CCNG1: variants seen among roughly 807,000 people sequenced by gnomAD.
The protein encoded by CCNG1 is cyclin-G1.
In CCNG1, 13 loss-of-function variants were observed where a neutral mutation model predicts 30.0. The ratio of observed to expected loss-of-function variants is 0.43; its 90% CI spans 0.28 to 0.69. The LOEUF is 0.69. Among genes scored for constraint, CCNG1 ranks in the 30% least tolerant of loss-of-function variants. CCNG1 has a pLI of 0.16. For synonymous variants in CCNG1, 110 were observed against 121.5 expected, an observed-to-expected ratio of 0.91 and a Z score of 0.62; for missense variants, 285 against 331.4, an observed-to-expected ratio of 0.86 and a Z score of 1.09.
the CCNG1 span, chr5:163,452,578 A>T: frequency 6.6e-6 from 1 of 152,250 alleles, no homozygotes; most frequent in South Asian, 2.1e-4. Flanking sequence ...ATCAGAAACA[A>T]GGTAGTATTT....
chr5:163,439,642 T>C (rs1757707026), intron 2 of CCNG1, 122 bp downstream of exon 2: 1 of 729,172 alleles, frequency 1.4e-6, no homozygotes, highest in African/African-American at 1.8e-5. Flanking sequence ...AAAACATTAA[T>C]TTTGTCTACT....
rs1006571717 is a variant in CCNG1 at position 163,441,061 on chromosome 5, T to C, written c.265-17T>C. The stretch of plus-strand genomic sequence containing the variant: ...GGTAGAGTCATGGGCTTACTGGTTT[T>C]GTTTTTGATTTTTTAGGTACAGCCC... On this transcript the variant is annotated splice_polypyrimidine_tract_variant and intron_variant, in intron 2 of 6. Coordinates refer to ENST00000340828, the MANE Select transcript of CCNG1 (RefSeq NM_004060.4). 7.5e-6 allele frequency: 12 copies of C among 1,602,720 alleles called. No individual in the cohort carries two copies. The African/African-American group carries it at 1.3e-4, about 18-fold the overall frequency.
At chr5:163,455,623 G>A in the CCNG1 span, among the ~76,000 whole-genome samples, 12,910 of 152,048 alleles carry the variant, frequency 0.085, 710 homozygotes, top group African/African-American at 0.17. Flanking sequence ...AATTAGCCGT[G>A]CGTGGTGGCG....
the CCNG1 span, chr5:163,456,873 A>C: frequency 6.0e-5 from 69 of 1,148,370 alleles, no homozygotes; most frequent in South Asian, 1.5e-3. Context: ...TCAAATATTT[A>C]TTTGATGATT....
At position 163,439,429 on chromosome 5, in the gene CCNG1, ATCT is replaced by A. The variant is rs750483468; in HGVS notation, c.178_180del (p.Leu60del). ...AGACTAAGGGACTTTGAAGTAAAAGATCTTCTTAGTCTAACTCAGTTCTTTGGC... is the reference window on the plus strand; with the variant it reads ...AGACTAAGGGACTTTGAAGTAAAAGATCTTAGTCTAACTCAGTTCTTTGGC... On this transcript the variant is annotated inframe_deletion, in exon 2 of 7. Transcript: ENST00000340828. The A allele has an allele frequency of 1.2e-4, 186 of 1,613,936 alleles. No individual in the cohort carries two copies. Among genetic ancestry groups the A allele is most frequent in the Non-Finnish European group, 1.4e-4 (170 of 1,179,942 alleles).
At chr5:163,456,830 G>T in the CCNG1 span, 1 of 933,908 alleles carries the variant, frequency 1.1e-6, no homozygotes, top group Non-Finnish European at 1.5e-6. Context: ...GAAAATGTTT[G>T]TAACTTTTCA....
Position 163,442,029 on chromosome 5 carries a change from A to G in CCNG1, c.598-16A>G. On this transcript the variant is annotated splice_polypyrimidine_tract_variant and intron_variant, in intron 4 of 6. Coordinates refer to ENST00000340828, the MANE Select transcript of CCNG1 (RefSeq NM_004060.4). ...GTTTTTATATTTGGCATTTACTTTA[A>G]ATTTATCTCTTTTAGCCTTCTGTGT... The G allele has an allele frequency of 6.2e-7, 1 of 1,603,082 alleles. No individual in the cohort carries two copies. Among genetic ancestry groups the G allele is most frequent in the Non-Finnish European group, 8.5e-7 (1 of 1,171,088 alleles).
the CCNG1 span, chr5:163,453,912 T>C: frequency 1.1e-6 from 1 of 930,034 alleles, no homozygotes; most frequent in Non-Finnish European, 1.6e-6. Flanking sequence ...AATCTGTTTA[T>C]CTGATTAAGT....
intron 3 of CCNG1, 194 bp downstream of exon 3, chr5:163,441,525 G>T: frequency 1.8e-6 from 1 of 558,218 alleles, no homozygotes; most frequent in Non-Finnish European, 3.0e-6. Context: ...GCTAATTCTT[G>T]GGATTAAAGT....
At chr5:163,446,876 G>A (rs1340508336), downstream of CCNG1, 1 of 152,188 alleles carries the variant, frequency 6.6e-6, no homozygotes, top group East Asian at 1.9e-4. Context: ...TCAGCTGGGT[G>A]TGGTGGCGCA....
At chr5:163,447,785 C>G (rs1230029425), downstream of CCNG1, 3 of 152,014 alleles carry the variant, frequency 2.0e-5, no homozygotes, top group Non-Finnish European at 2.9e-5. Context: ...AAATCAGTAA[C>G]AGCAAGAAAA....
intron 3 of CCNG1, 152 bp downstream of exon 3, chr5:163,441,483 G>GA (rs1360359326): frequency 1.4e-6 from 1 of 707,506 alleles, no homozygotes; most frequent in African/African-American, 1.8e-5. Flanking sequence ...TCATAAGTGA[G>GA]AAAATGTTCC....
In CCNG1 at chr5:163,442,534, A is replaced by G. The variant is rs1000831672; in HGVS notation, c.857A>G (p.His286Arg). The G allele has an allele frequency of 1.2e-5, 20 of 1,610,092 alleles. No individual in the cohort carries two copies. Among genetic ancestry groups the G allele is most frequent in the Non-Finnish European group, 1.7e-5 (20 of 1,178,316 alleles). The change falls in exon 6 of 7, where the codon CAC (histidine) becomes CGC (arginine). Residue 286 changes from histidine to arginine, a missense_variant. Physicochemically the swap from His to Arg is conservative, Grantham distance 29. Transcript: ENST00000340828. ...AAGCATAGCTACTACAGAATAACTC[A>G]CCTTCCAACAATTCCTGAAATGGTC... ...QLKHSYYRIT[H>R]LPTIPEMVP
At position 163,441,911 on chromosome 5, in the gene CCNG1, C is replaced by A; in HGVS notation, c.544C>A (p.Leu182Ile). 6.2e-7 allele frequency: 1 copy of A among 1,607,792 alleles called. No individual in the cohort carries two copies. The highest frequency in any genetic ancestry group is 8.5e-7 in the Non-Finnish European group (1 of 1,174,696). Reference sequence around the variant, plus strand: ...GAGAAATAGCATTAATTTTGAAAGACTAGAAGCTCAACTGAAGGCATGTCA... The same window carrying A: ...GAGAAATAGCATTAATTTTGAAAGAATAGAAGCTCAACTGAAGGCATGTCA... ...ERRNSINFER[L>I]EAQLKACHCR... The change falls in exon 4 of 7, where the codon CTA (leucine) becomes ATA (isoleucine). Residue 182 changes from leucine (L) to isoleucine (I), a missense_variant. Coordinates refer to ENST00000340828, the MANE Select transcript of CCNG1 (RefSeq NM_004060.4).
the CCNG1 span, chr5:163,457,501 AGAG>A: frequency 1.0e-6 from 1 of 986,436 alleles, no homozygotes; most frequent in Non-Finnish European, 1.6e-6. Context: ...CTAATACAAA[AGAG>A]GAAAAGATAT....
At chr5:163,447,747 T>C (rs1224187983), downstream of CCNG1, 2 of 152,140 alleles carry the variant, frequency 1.3e-5, no homozygotes, top group East Asian at 1.9e-4. Context: ...TGAAATCATA[T>C]AAAATATGTT....
the CCNG1 span, among the ~76,000 whole-genome samples, chr5:163,454,783 C>T: frequency 6.6e-6 from 1 of 152,022 alleles, no homozygotes; most frequent in Non-Finnish European, 1.5e-5. Context: ...TTCGTTTATC[C>T]AACAAACATT....
the CCNG1 span, chr5:163,457,606 T>G: frequency 4.4e-6 from 7 of 1,583,244 alleles, no homozygotes; most frequent in Middle Eastern, 5.0e-4. Context: ...ATCAAAGAGT[T>G]TGCCCTGAAA....
chr5:163,440,013 G>C (rs911389154), intron 2 of CCNG1, among the ~76,000 whole-genome samples: 4 of 151,530 alleles, frequency 2.6e-5, no homozygotes, highest in African/African-American at 9.7e-5. Flanking sequence ...GGAGGAGAGT[G>C]TGTCTGAAGG....
Sources: gnomAD v4.1 joint callset for allele counts (sites outside exome capture counted in the v4.1 genomes callset) on GRCh38, gnomAD v4.1.1 for gene constraint, MANE v1.5 for transcripts, NCBI Gene and HGNC (gene_info 2026-07-23, HGNC 2026-07-21) for gene names.